The following BAZ1B variants were observed in gnomAD, a reference collection of about 807,000 sequenced individuals.
BAZ1B encodes tyrosine-protein kinase BAZ1B.
In BAZ1B, 22 loss-of-function variants were observed where a neutral mutation model predicts 153.8. That is an observed-to-expected ratio of 0.14 (90% CI 0.10 to 0.20). The LOEUF (loss-of-function observed/expected upper bound fraction) is 0.20, where lower values mean the gene tolerates loss of function less well. Ranked by LOEUF, BAZ1B falls within the 10% of genes least tolerant of loss-of-function variation. The probability of loss-of-function intolerance (pLI) is 1.00; values close to 1 mark genes in which losing one functional copy is unlikely to be tolerated. For missense variants in BAZ1B, 1,325 were observed against 1,799.3 expected (o/e 0.74, Z 4.77); for synonymous variants, 676 against 633.4 (o/e 1.07, Z -1.01).
At chr7:73,463,509 T>A (rs1024525187) in intron 11 of BAZ1B, among the ~76,000 whole-genome samples, 2 of 151,884 alleles carry the variant, frequency 1.3e-5, no homozygotes, top group African/African-American at 4.8e-5. Flanking sequence ...CCTCCCAAAC[T>A]GCTAGGATTA....
At chr7:73,442,636 GC>G in intron 18 of BAZ1B, 83 bp from the exon 19 acceptor site, 1 of 1,552,762 alleles carries the variant, frequency 6.4e-7, no homozygotes, top group Non-Finnish European at 8.7e-7. Flanking sequence ...AAAAGCAAGG[GC>G]TTGGCTGAGA....
At chr7:73,516,018 G>A (rs1030650272) in intron 1 of BAZ1B, among the ~76,000 whole-genome samples, 1 of 152,110 alleles carries the variant, frequency 6.6e-6, no homozygotes, top group Non-Finnish European at 1.5e-5. Flanking sequence ...TGTGGTGCAC[G>A]TGCCTGTAGT....
At chr7:73,495,795 T>C (rs565659099) in intron 4 of BAZ1B, among the ~76,000 whole-genome samples, 54 of 152,284 alleles carry the variant, frequency 3.5e-4, no homozygotes, top group African/African-American at 1.2e-3. Context: ...AACCAAATAC[T>C]GCATGTTCTC....
chr7:73,521,748 C>T (rs1791056445), intron 1 of BAZ1B, 79 bp downstream of exon 1: 2 of 1,262,372 alleles, frequency 1.6e-6, no homozygotes, highest in Non-Finnish European at 2.1e-6. Context: ...GGATGCGCGG[C>T]TGACCTGGTC....
chr7:73,449,518 A>G, intron 15 of BAZ1B, 24 bp downstream of exon 15: 1 of 1,597,096 alleles, frequency 6.3e-7, no homozygotes, highest in Non-Finnish European at 8.5e-7. Context: ...TCATTCAATT[A>G]TTTTTAAAAG....
At chr7:73,463,716 T>G (rs1024504034) in intron 11 of BAZ1B, among the ~76,000 whole-genome samples, 12 of 151,966 alleles carry the variant, frequency 7.9e-5, no homozygotes, top group African/African-American at 2.9e-4. Flanking sequence ...TTTTTTTTTT[T>G]GTTGTTTTTG....
chr7:73,502,487 C>T (rs570688096), intron 3 of BAZ1B, among the ~76,000 whole-genome samples: 3 of 152,034 alleles, frequency 2.0e-5, no homozygotes, highest in Non-Finnish European at 4.4e-5. Context: ...GCAATCCCAA[C>T]ACTTTGGGAG....
intron 3 of BAZ1B, among the ~76,000 whole-genome samples, chr7:73,500,205 C>CA (rs1790069779): frequency 6.6e-6 from 1 of 152,078 alleles, no homozygotes; most frequent in Non-Finnish European, 1.5e-5. Flanking sequence ...TCAGCCTCAA[C>CA]AAAACTAAAA....
chr7:73,517,985 G>C (rs571872556), intron 1 of BAZ1B, among the ~76,000 whole-genome samples: 2 of 152,160 alleles, frequency 1.3e-5, no homozygotes, highest in Non-Finnish European at 2.9e-5. Context: ...CAAAGAGTGA[G>C]CCAACTCAAG....
intron 3 of BAZ1B, among the ~76,000 whole-genome samples, chr7:73,500,529 G>A (rs1279677821): frequency 2.0e-5 from 3 of 151,926 alleles, no homozygotes; most frequent in Non-Finnish European, 2.9e-5. Flanking sequence ...GCAACACAGC[G>A]AGACCTTATC....
intron 5 of BAZ1B, among the ~76,000 whole-genome samples, chr7:73,492,121 T>C (rs1218428057): frequency 6.6e-6 from 1 of 151,608 alleles, no homozygotes; most frequent in African/African-American, 2.4e-5. Context: ...GCCTCCTGAG[T>C]AGCTGGGATT....
At chr7:73,442,576 G>A (rs369758868) in intron 18 of BAZ1B, 23 bp from the exon 19 acceptor site, 69 of 1,595,768 alleles carry the variant, frequency 4.3e-5, no homozygotes, top group Non-Finnish European at 5.2e-5. Flanking sequence ...ACCAAATGGA[G>A]AATCTGCACA....
intron 7 of BAZ1B, among the ~76,000 whole-genome samples, chr7:73,471,397 G>A (rs529414907): frequency 6.6e-6 from 1 of 152,274 alleles, no homozygotes; most frequent in Middle Eastern, 3.4e-3. Context: ...TATTCAGTTA[G>A]AAATTTCCCT....
chr7:73,470,883 C>T (rs1788778172), intron 7 of BAZ1B, among the ~76,000 whole-genome samples: 1 of 152,114 alleles, frequency 6.6e-6, no homozygotes, highest in African/African-American at 2.4e-5. Flanking sequence ...TACAGGCACA[C>T]ACCACCGTGT....
At chr7:73,509,445 C>A (rs1396500846) in intron 2 of BAZ1B, among the ~76,000 whole-genome samples, 2 of 152,186 alleles carry the variant, frequency 1.3e-5, no homozygotes, top group East Asian at 3.9e-4. Flanking sequence ...AAAAAACATG[C>A]AGTTTGCTGG....
intron 6 of BAZ1B, among the ~76,000 whole-genome samples, chr7:73,482,333 T>C (rs774913179): frequency 2.3e-4 from 35 of 152,102 alleles, no homozygotes; most frequent in Non-Finnish European, 3.8e-4. Flanking sequence ...ACCATCCAAA[T>C]TGCAGAGCAA....
intron 7 of BAZ1B, among the ~76,000 whole-genome samples, chr7:73,475,221 G>A (rs1226086428): frequency 6.6e-6 from 1 of 152,080 alleles, no homozygotes; most frequent in Admixed American, 6.6e-5. Context: ...TTATTCCGAG[G>A]TATTTACTCT....
intron 7 of BAZ1B, among the ~76,000 whole-genome samples, chr7:73,475,453 GAAAA>G (rs1222704668): frequency 6.6e-6 from 1 of 152,146 alleles, no homozygotes; most frequent in Non-Finnish European, 1.5e-5. Flanking sequence ...CATGCTAAGT[GAAAA>G]AAGCCAGCCA....
At chr7:73,486,452 G>A (rs979265019) in intron 6 of BAZ1B, among the ~76,000 whole-genome samples, 14 of 152,084 alleles carry the variant, frequency 9.2e-5, no homozygotes, top group African/African-American at 2.7e-4. Flanking sequence ...TCAGCCTCCC[G>A]AGTAGCTGGG....
Sources: allele counts gnomAD v4.1 joint callset (sites outside exome capture counted in the v4.1 genomes callset), GRCh38; gene constraint gnomAD v4.1.1; transcripts MANE v1.5; gene names NCBI Gene and HGNC (gene_info 2026-07-23, HGNC 2026-07-21).